PARD3: variants seen among roughly 807,000 people sequenced by gnomAD.
PARD3 encodes the protein par-3 family cell polarity regulator.
Under a neutral mutation model 155.4 loss-of-function variants are expected in PARD3, and 75 were observed. The ratio of observed to expected loss-of-function variants is 0.48; its 90% CI spans 0.40 to 0.58. The LOEUF is 0.58. Among genes scored for constraint, PARD3 ranks in the 20% least tolerant of loss-of-function variants. The pLI, the probability that PARD3 is intolerant of heterozygous loss-of-function variation, is 0.00. For synonymous variants in PARD3, 576 were observed against 610.5 expected, an observed-to-expected ratio of 0.94 and a Z score of 0.83; for missense variants, 1,642 against 1,721.7, an observed-to-expected ratio of 0.95 and a Z score of 0.82.
chr10:34,450,543 C>A, intron 4 of PARD3, 95 bp from the exon 5 acceptor site: 2 of 1,155,488 alleles, frequency 1.7e-6, no homozygotes, highest in South Asian at 1.5e-5. Flanking sequence ...AAAAATGATT[C>A]TACATATTTA....
intron 22 of PARD3, among the ~76,000 whole-genome samples, chr10:34,199,158 C>T (rs1951092033): frequency 6.6e-6 from 1 of 152,142 alleles, no homozygotes; most frequent in Non-Finnish European, 1.5e-5. Flanking sequence ...TCGTGCCTCC[C>T]AGCATCACCT....
At position 34,401,896 on chromosome 10, in the gene PARD3, C is replaced by G. The variant is rs755489923; in HGVS notation, c.736G>C (p.Asp246His). The change falls in exon 6 of 25, where the codon GAT (aspartate) becomes CAT (histidine). Residue 246 changes from aspartate to histidine, a missense_variant. This residue lies in a region of PARD3 where 1,529 missense variants were observed against 1,587.3 expected (regional missense o/e 0.96). Transcript: ENST00000374788. The stretch of plus-strand genomic sequence containing the variant: ...CCAACAGGTTCAACACGACTGTTAT[C>G]CTCTTCTGTCCCATCCTCATCCTAG... Reference protein sequence around the residue: ...QEQDEDGTEEDNSRVEPVGHA... With the variant: ...QEQDEDGTEEHNSRVEPVGHA... 5 of 1,613,538 alleles carry G rather than the reference C, an allele frequency of 3.1e-6. No individual in the cohort carries two copies. The South Asian group carries it at 3.3e-5, about 11-fold the overall frequency.
intron 22 of PARD3, among the ~76,000 whole-genome samples, chr10:34,175,050 G>A (rs1949973301): frequency 6.6e-6 from 1 of 151,858 alleles, no homozygotes; most frequent in South Asian, 2.1e-4. Context: ...TCTAGAATGG[G>A]GAAGTTTTTA....
At chr10:34,193,752 C>T (rs1950816861) in intron 22 of PARD3, among the ~76,000 whole-genome samples, 1 of 152,336 alleles carries the variant, frequency 6.6e-6, no homozygotes, top group Admixed American at 6.5e-5. Context: ...ATAATTCCTG[C>T]CCATCTTTAC....
chr10:34,432,108 T>A (rs1402099141), intron 5 of PARD3, among the ~76,000 whole-genome samples: 1 of 147,202 alleles, frequency 6.8e-6, no homozygotes, highest in Non-Finnish European at 1.5e-5. Context: ...ATAATAAATT[T>A]GATTTAACTT....
At chr10:34,412,959 T>C (rs1252460037) in intron 5 of PARD3, among the ~76,000 whole-genome samples, 2 of 152,114 alleles carry the variant, frequency 1.3e-5, no homozygotes, top group Non-Finnish European at 2.9e-5. Flanking sequence ...GAAATATTTG[T>C]TGAGGTCACA....
At chr10:34,306,022 G>A (rs575385543) in intron 20 of PARD3, among the ~76,000 whole-genome samples, 6 of 151,826 alleles carry the variant, frequency 4.0e-5, no homozygotes, top group African/African-American at 9.7e-5. Flanking sequence ...AGCTGGGCAC[G>A]GTAGCTCACG....
intron 9 of PARD3, among the ~76,000 whole-genome samples, chr10:34,382,188 T>G (rs1841934198): frequency 6.6e-6 from 1 of 152,126 alleles, no homozygotes; most frequent in Non-Finnish European, 1.5e-5. Flanking sequence ...GTCAAATCCT[T>G]ACTATTGTTC....
At chr10:34,478,193 C>G (rs2078838843) in intron 3 of PARD3, among the ~76,000 whole-genome samples, 1 of 152,090 alleles carries the variant, frequency 6.6e-6, no homozygotes, top group African/African-American at 2.4e-5. Context: ...ATACAGGATA[C>G]TATGGTTGGA....
chr10:34,340,568 T>C (rs1170292114), intron 16 of PARD3, among the ~76,000 whole-genome samples: 2 of 152,180 alleles, frequency 1.3e-5, no homozygotes, highest in African/African-American at 4.8e-5. Context: ...AAGCTAGAGA[T>C]GAACTTTTCA....
At chr10:34,442,474 G>A (rs1018844704) in intron 5 of PARD3, among the ~76,000 whole-genome samples, 2 of 152,200 alleles carry the variant, frequency 1.3e-5, no homozygotes, top group East Asian at 3.8e-4. Flanking sequence ...GGGGAGCCCC[G>A]GTGGCTCAGG....
intron 22 of PARD3, among the ~76,000 whole-genome samples, chr10:34,210,691 T>C (rs1951703331): frequency 6.6e-6 from 1 of 152,142 alleles, no homozygotes; most frequent in Non-Finnish European, 1.5e-5. Context: ...CTAGAGGAAG[T>C]TCACCACATC....
intron 2 of PARD3, among the ~76,000 whole-genome samples, chr10:34,548,156 G>A (rs920589059): frequency 1.3e-5 from 2 of 152,098 alleles, no homozygotes; most frequent in African/African-American, 4.8e-5. Context: ...CTCTTCATTT[G>A]TCCGTCTCAT....
intron 2 of PARD3, among the ~76,000 whole-genome samples, chr10:34,665,906 A>AGAACAGAACAGAACAGAACAGAACAG (rs1554804216): frequency 6.1e-5 from 9 of 147,120 alleles, no homozygotes; most frequent in African/African-American, 7.6e-5. Context: ...AGAACAGAAC[A>AGAACAGAACAGAACAGAACAGAACAG]AAAAGAAAAG....
At chr10:34,535,997 T>TA (rs964716222) in intron 2 of PARD3, among the ~76,000 whole-genome samples, 43 of 151,894 alleles carry the variant, frequency 2.8e-4, no homozygotes, top group Admixed American at 5.2e-4. Flanking sequence ...ATAGTGTTGT[T>TA]AAAAAAAACT....
rs190253301 is a variant in PARD3, at chr10:34,371,080, A to G, written c.1707+1418T>C. 2.1e-3 allele frequency among the ~76,000 whole-genome samples: 322 copies of G among 152,194 alleles called. 1 individual carries two copies. Among genetic ancestry groups the G allele is most frequent in the African/African-American group, 7.1e-3 (293 of 41,544 alleles). ...TTAAATGATCTATTTGTTTAACCCTATAACAATGCCATGCTGTTTTAGGTA... is the reference window on the plus strand; with the variant it reads ...TTAAATGATCTATTTGTTTAACCCTGTAACAATGCCATGCTGTTTTAGGTA... On this transcript the variant is annotated intron_variant, in intron 12 of 24. Coordinates refer to ENST00000374788, the MANE Select transcript of PARD3 (RefSeq NM_001184785.2).
At chr10:34,498,986 A>G (rs1275786334) in intron 3 of PARD3, among the ~76,000 whole-genome samples, 1 of 152,168 alleles carries the variant, frequency 6.6e-6, no homozygotes, top group Non-Finnish European at 1.5e-5. Context: ...TATAACACAC[A>G]TATCACCATT....
At chr10:34,382,989 A>G in intron 8 of PARD3, 67 bp from the exon 9 acceptor site, 5 of 1,531,974 alleles carry the variant, frequency 3.3e-6, no homozygotes, top group Non-Finnish European at 4.4e-6. Flanking sequence ...TTATGAGCTT[A>G]ATTAAGTTTA....
At chr10:34,785,826 C>G (rs1008212491) in intron 1 of PARD3, among the ~76,000 whole-genome samples, 5 of 152,124 alleles carry the variant, frequency 3.3e-5, no homozygotes, top group African/African-American at 1.2e-4. Context: ...CTCCACGTAA[C>G]ATTCCAGAGA....
Sources: gnomAD v4.1 joint callset for allele counts (sites outside exome capture counted in the v4.1 genomes callset) on GRCh38, gnomAD v4.1.1 for gene constraint, gnomAD v4.1.1 regional missense constraint, MANE v1.5 for transcripts, NCBI Gene and HGNC (gene_info 2026-07-23, HGNC 2026-07-21) for gene names.